The following GTF3C3 variants were observed in gnomAD, a reference collection of about 807,000 sequenced individuals.
GTF3C3 encodes the protein general transcription factor IIIC subunit 3, also known as general transcription factor 3C polypeptide 3.
A neutral mutation model predicts 105.2 loss-of-function variants in GTF3C3; 75 were observed. The observed-to-expected ratio is 0.71, with a 90% CI of 0.59 to 0.86. The LOEUF (loss-of-function observed/expected upper bound fraction) is 0.86. Among genes scored for constraint, GTF3C3 ranks in the 40% least tolerant of loss-of-function variants. The probability of loss-of-function intolerance (pLI) is 0.00; values close to 1 mark genes in which losing one functional copy is unlikely to be tolerated. For missense variants in GTF3C3, 856 were observed against 1,076.5 expected, an observed-to-expected ratio of 0.80 and a Z score of 2.87; for synonymous variants, 335 against 370.4, an observed-to-expected ratio of 0.90 and a Z score of 1.10.
At chr2:196,788,410 A>G (rs1316091945) in intron 6 of GTF3C3, among the ~76,000 whole-genome samples, 1 of 152,214 alleles carries the variant, frequency 6.6e-6, no homozygotes, top group Non-Finnish European at 1.5e-5. Context: ...GCAGCATACC[A>G]GAGAAGTAAA....
chr2:196,777,310 T>C (rs1699275394), intron 10 of GTF3C3, among the ~76,000 whole-genome samples: 1 of 152,166 alleles, frequency 6.6e-6, no homozygotes, highest in African/African-American at 2.4e-5. Flanking sequence ...GGCTCCCAAG[T>C]TTTGTGATCC....
chr2:196,768,270 C>T (rs1275568312), intron 16 of GTF3C3, among the ~76,000 whole-genome samples: 1 of 152,136 alleles, frequency 6.6e-6, no homozygotes, highest in Admixed American at 6.5e-5. Context: ...CCACCCGCCT[C>T]GGCCACCCAA....
chr2:196,779,118 A>C, intron 9 of GTF3C3, 51 bp from the exon 10 acceptor site: 1 of 1,409,588 alleles, frequency 7.1e-7, no homozygotes, highest in Non-Finnish European at 9.9e-7. Context: ...AAACGTGCAC[A>C]TCTATCTATA....
intron 1 of GTF3C3, 60 bp downstream of exon 1, chr2:196,799,450 C>G (rs1334710864): frequency 7.8e-7 from 1 of 1,287,464 alleles, no homozygotes; most frequent in Non-Finnish European, 1.1e-6. Context: ...CTGGGTCCCC[C>G]ACACCTAAGG....
chr2:196,778,397 T>C (rs986588900), intron 10 of GTF3C3: 4 of 152,634 alleles, frequency 2.6e-5, no homozygotes, highest in African/African-American at 9.6e-5. Context: ...GATTTAGTCA[T>C]GTTTCTTAAG....
chr2:196,766,820 C>CCTAT (rs772480020), intron 16 of GTF3C3, 103 bp from the exon 17 acceptor site: 41 of 809,840 alleles, frequency 5.1e-5, no homozygotes, highest in African/African-American at 3.6e-4. Context: ...TTTTTAAAAA[C>CCTAT]CTATCTATCT....
At chr2:196,798,179 A>T (rs1021764166) in intron 1 of GTF3C3, among the ~76,000 whole-genome samples, 2 of 152,226 alleles carry the variant, frequency 1.3e-5, no homozygotes, top group South Asian at 2.1e-4. Context: ...TTTGTAAAAA[A>T]AAATAAATAA....
intron 8 of GTF3C3, 178 bp downstream of exon 8, chr2:196,784,679 T>C: frequency 2.2e-6 from 1 of 459,480 alleles, no homozygotes; most frequent in Non-Finnish European, 2.9e-6. Flanking sequence ...AAAGATTACT[T>C]GTAAGTCAAT....
intron 6 of GTF3C3, 112 bp from the exon 7 acceptor site, chr2:196,785,700 G>A: frequency 1.5e-6 from 1 of 660,438 alleles, no homozygotes; most frequent in Middle Eastern, 4.3e-4. Flanking sequence ...CTTAGAATTT[G>A]AGAGGAATGT....
At chr2:196,789,835 T>G (rs1356512515) in intron 5 of GTF3C3, 44 bp downstream of exon 5, 1 of 1,202,390 alleles carries the variant, frequency 8.3e-7, no homozygotes, top group Non-Finnish European at 1.2e-6. Flanking sequence ...AAACCTATTA[T>G]GTAACAGCTT....
In GTF3C3 at chr2:196,764,157, T is replaced by C. The variant is rs1473946580; in HGVS notation, c.*406A>G. 1.3e-5 allele frequency: 2 copies of C among 153,166 alleles called. No individual in the cohort carries two copies. The highest frequency in any genetic ancestry group is 1.9e-4 in the East Asian group (1 of 5,228). 9.5% of individuals were successfully genotyped at this position (153,166 alleles called of 1,614,324 possible). A position where few individuals can be genotyped will look rare whatever the true frequency, so the allele number is the denominator to read the frequency against. On this transcript the variant is annotated 3_prime_UTR_variant, in exon 18 of 18. Coordinates refer to ENST00000263956, the MANE Select transcript of GTF3C3 (RefSeq NM_012086.5). ...ACATCATAAAGAGTCCCACTTTGTC[T>C]TTCCTTTAATAATAAGCAACCTCTG... is the stretch of plus-strand genomic sequence containing the variant.
At chr2:196,781,356 AAATATATATATATATATATATAT>A (rs1266537564) in intron 8 of GTF3C3, among the ~76,000 whole-genome samples, 1 of 54,490 alleles carries the variant, frequency 1.8e-5, no homozygotes, top group Non-Finnish European at 4.5e-5. Flanking sequence ...AAAAAAAAAA[AAATATATATATATATATATATAT>A]ATATATATAA....
At position 196,778,968 on chromosome 2, in the gene GTF3C3, C is replaced by T; in HGVS notation, c.1318G>A (p.Ala440Thr). The change falls in exon 10 of 18, where the codon GCA becomes ACA. Residue 440 changes from alanine to threonine, a missense_variant. Ala to Thr is a moderately conservative substitution (Grantham distance 58, BLOSUM62 0). Around this residue, in one of 3 missense-constraint regions of GTF3C3, gnomAD observed 605 missense variants for 833.6 expected, o/e 0.73. Transcript: ENST00000263956. ...AFLDVGEYNS[A>T]LPLLSALVCS... ...ACAAGAGCACTGAGGAGGGGAAGTG[C>T]AGAATTATATTCACCAACATCCAGA... 3.7e-6 allele frequency: 6 copies of T among 1,613,906 alleles called. No homozygotes were observed.
At chr2:196,784,167 G>A (rs1443358059) in intron 8 of GTF3C3, among the ~76,000 whole-genome samples, 1 of 152,102 alleles carries the variant, frequency 6.6e-6, no homozygotes, top group East Asian at 1.9e-4. Context: ...AACCAGGCAG[G>A]ACTCAGTACC....
chr2:196,784,911 C>G lies in GTF3C3; in HGVS notation c.1060G>C (p.Gly354Arg). 1 of 1,604,880 alleles carries G rather than the reference C, an allele frequency of 6.2e-7. No individual in the cohort carries two copies. ...KALEIITDFS[G>R]IVLEKKTSEE... ...GAAGTTTTTTTTTCCAGCACAATTC[C>G]AGAAAAATCTGTAATTATCTAAAAG... The change falls in exon 8 of 18, where the codon GGA becomes CGA. Residue 354 changes from glycine (G) to arginine (R), a missense_variant. By Grantham distance (125) the Gly-to-Arg change is moderately radical (BLOSUM62 -2). Around this residue, in one of 3 missense-constraint regions of GTF3C3, gnomAD observed 605 missense variants for 833.6 expected, o/e 0.73. Transcript: ENST00000263956.
intron 8 of GTF3C3, among the ~76,000 whole-genome samples, chr2:196,783,440 G>A (rs1252377362): frequency 1.3e-5 from 2 of 152,184 alleles, no homozygotes; most frequent in Admixed American, 6.5e-5. Flanking sequence ...AATTATGACA[G>A]TAAAATAATA....
At position 196,780,559 on chromosome 2, in the gene GTF3C3, AT is replaced by A. The variant is rs1410725809; in HGVS notation, c.1217del (p.Asn406IlefsTer4). On this transcript the variant is annotated frameshift_variant and splice_region_variant, in exon 9 of 18. Transcript: ENST00000263956. LOFTEE classifies it high-confidence loss of function. ...CTCAAGTGCAGATCTTGTTACATAC[AT>A]TAAGTGGTTCAAGAATGTTGAGATG... The part of the protein sequence containing the change: ...LVHLNILEPL[N>X]PLLTTLVEQN... 3.1e-6 allele frequency: 5 copies of A among 1,612,712 alleles called. No homozygotes were observed. The highest frequency in any genetic ancestry group is 1.3e-5 in the African/African-American group (1 of 74,876).
chr2:196,780,334 C>CT, intron 9 of GTF3C3: 1 of 1,152,580 alleles, frequency 8.7e-7, no homozygotes, highest in Non-Finnish European at 1.1e-6. Flanking sequence ...AAATTATGAT[C>CT]TTTAGATTGT....
At chr2:196,797,981 G>A in intron 1 of GTF3C3, 73 bp from the exon 2 acceptor site, 1 of 882,668 alleles carries the variant, frequency 1.1e-6, no homozygotes, top group Admixed American at 1.8e-5. Context: ...AGAGTATCTG[G>A]TTCTAGTCCT....
Sources: gnomAD v4.1 joint callset for allele counts (sites outside exome capture counted in the v4.1 genomes callset) on GRCh38, gnomAD v4.1.1 for gene constraint, gnomAD v4.1.1 regional missense constraint, MANE v1.5 for transcripts, NCBI Gene and HGNC (gene_info 2026-07-23, HGNC 2026-07-21) for gene names.